CCDC149: variants seen among roughly 807,000 people sequenced by gnomAD.
The protein encoded by CCDC149 is coiled-coil domain containing 149.
Under a neutral mutation model 59.9 loss-of-function variants are expected in CCDC149, and 45 were observed. The observed-to-expected ratio is 0.75, with a 90% CI of 0.59 to 0.96. CCDC149 has a LOEUF of 0.96. CCDC149 is among the 40% of genes least tolerant of loss of function. CCDC149 has a pLI of 0.00. For synonymous variants in CCDC149, 245 were observed against 260.6 expected, an observed-to-expected ratio of 0.94 and a Z score of 0.58; for missense variants, 584 against 664.7, an observed-to-expected ratio of 0.88 and a Z score of 1.33.
At chr4:24,855,483 T>A (rs537642888) in intron 3 of CCDC149, among the ~76,000 whole-genome samples, 1 of 151,144 alleles carries the variant, frequency 6.6e-6, no homozygotes. Flanking sequence ...GGAGAATCCC[T>A]TGAACTGGGA....
In CCDC149 at chr4:24,819,650, C is replaced by A. The variant is rs141431253; in HGVS notation, c.1192+209G>T. 7.9e-3 allele frequency among the ~76,000 whole-genome samples: 1,207 copies of A among 152,308 alleles called. 15 individuals are homozygous for A. The highest frequency in any genetic ancestry group is 0.027 in the African/African-American group (1,137 of 41,566). On this transcript the variant is annotated intron_variant, in intron 12 of 12. Transcript: ENST00000635206. ...GTCCTCACTCTTAACCTCTCTGCCA[C>A]CATGCCTAGAGAGCAGGGGCCTGCA... is the stretch of plus-strand genomic sequence containing the variant.
At chr4:24,925,463 C>T (rs925844993) in intron 1 of CCDC149, among the ~76,000 whole-genome samples, 3 of 152,160 alleles carry the variant, frequency 2.0e-5, no homozygotes, top group Admixed American at 2.0e-4. Flanking sequence ...TCCTGTCCAT[C>T]AAAGCTAACA....
intron 3 of CCDC149, among the ~76,000 whole-genome samples, chr4:24,872,575 C>G (rs894601660): frequency 1.8e-4 from 28 of 151,474 alleles, no homozygotes; most frequent in African/African-American, 6.6e-4. Context: ...GAATGGTATG[C>G]ACCTGCAGAA....
intron 12 of CCDC149, among the ~76,000 whole-genome samples, chr4:24,813,068 G>A (rs897568184): frequency 1.7e-4 from 26 of 152,222 alleles, no homozygotes; most frequent in African/African-American, 6.0e-4. Context: ...TGGAGGTGAG[G>A]CCTTTGGGAG....
chr4:24,900,964 GA>G (rs1242655122), intron 1 of CCDC149, among the ~76,000 whole-genome samples: 1 of 152,246 alleles, frequency 6.6e-6, no homozygotes, highest in African/African-American at 2.4e-5. Flanking sequence ...AGGTCAGCAT[GA>G]AGAGGCTCGA....
At chr4:24,970,557 G>C (rs79058402) in intron 1 of CCDC149, among the ~76,000 whole-genome samples, 1 of 152,120 alleles carries the variant, frequency 6.6e-6, no homozygotes, top group African/African-American at 2.4e-5. Context: ...GTGGGTACCC[G>C]TCATGGCTTG....
chr4:24,933,109 G>A (rs1722641948), intron 1 of CCDC149, among the ~76,000 whole-genome samples: 1 of 152,200 alleles, frequency 6.6e-6, no homozygotes. Flanking sequence ...GGCTGTTCTT[G>A]TGTTGCCCTG....
At chr4:24,974,361 T>C (rs894043774) in intron 1 of CCDC149, among the ~76,000 whole-genome samples, 17 of 152,180 alleles carry the variant, frequency 1.1e-4, no homozygotes, top group African/African-American at 4.1e-4. Context: ...CCATACTTCT[T>C]TGCTTTTTCA....
intron 1 of CCDC149, among the ~76,000 whole-genome samples, chr4:24,936,463 T>C (rs1722781598): frequency 1.3e-5 from 2 of 152,200 alleles, no homozygotes; most frequent in African/African-American, 2.4e-5. Context: ...TTATGGGATA[T>C]AATGTAATGT....
At chr4:24,880,407 G>A (rs974945281) in intron 1 of CCDC149, among the ~76,000 whole-genome samples, 6 of 152,134 alleles carry the variant, frequency 3.9e-5, no homozygotes, top group African/African-American at 1.2e-4. Context: ...AAGCAACCCC[G>A]TCATTAAGTG....
intron 1 of CCDC149, among the ~76,000 whole-genome samples, chr4:24,939,821 G>A (rs1028273779): frequency 8.5e-5 from 13 of 152,142 alleles, no homozygotes; most frequent in South Asian, 6.2e-4. Flanking sequence ...TGAATGAAAC[G>A]ATGCGTGAAG....
intron 1 of CCDC149, among the ~76,000 whole-genome samples, chr4:24,900,228 G>T (rs1721084870): frequency 6.6e-6 from 1 of 152,112 alleles, no homozygotes; most frequent in African/African-American, 2.4e-5. Flanking sequence ...CTATGTAACT[G>T]GCACATTGAA....
chr4:24,920,156 T>C (rs926492892), intron 1 of CCDC149, among the ~76,000 whole-genome samples: 3 of 152,236 alleles, frequency 2.0e-5, no homozygotes, highest in Admixed American at 6.5e-5. Flanking sequence ...AACCTGTGGC[T>C]TAAACATTGG....
chr4:24,931,712 C>T (rs1722591149), intron 1 of CCDC149, among the ~76,000 whole-genome samples: 1 of 151,288 alleles, frequency 6.6e-6, no homozygotes, highest in African/African-American at 2.4e-5. Flanking sequence ...TTGTCTTTGC[C>T]ACTTATGCAT....
chr4:24,936,145 A>G (rs937082917), intron 1 of CCDC149, among the ~76,000 whole-genome samples: 3 of 152,176 alleles, frequency 2.0e-5, no homozygotes, highest in Non-Finnish European at 4.4e-5. Context: ...GGAAAAAAGA[A>G]CTGATGAGAA....
At position 24,806,224 on chromosome 4, in the gene CCDC149, T is replaced by G. The variant is rs1257267822; in HGVS notation, c.*2165A>C. On this transcript the variant is annotated 3_prime_UTR_variant, in exon 13 of 13. Coordinates refer to ENST00000635206, the MANE Select transcript of CCDC149 (RefSeq NM_001330643.2). Reference sequence around the variant, plus strand: ...CGTATCTATGGGGTGTTATCAGGGTTATATCTGTGACAGGATCAACTAACT... The same window carrying G: ...CGTATCTATGGGGTGTTATCAGGGTGATATCTGTGACAGGATCAACTAACT... The G allele has an allele frequency of 6.6e-6, 1 of 152,166 alleles. No individual in the cohort carries two copies. Among genetic ancestry groups the G allele is most frequent in the East Asian group, 1.9e-4 (1 of 5,186 alleles). 9.4% of individuals were successfully genotyped at this position (152,166 alleles called of 1,614,324 possible). A position where few individuals can be genotyped will look rare whatever the true frequency, so the allele number is the denominator to read the frequency against.
chr4:24,936,727 A>G (rs1484334877), intron 1 of CCDC149, among the ~76,000 whole-genome samples: 1 of 152,024 alleles, frequency 6.6e-6, no homozygotes, highest in African/African-American at 2.4e-5. Flanking sequence ...TGGGGATGTT[A>G]CCACTGGTGG....
chr4:24,864,258 AT>A (rs1223601529), intron 3 of CCDC149, among the ~76,000 whole-genome samples: 1 of 152,246 alleles, frequency 6.6e-6, no homozygotes, highest in Non-Finnish European at 1.5e-5. Flanking sequence ...AAGGTTAGGT[AT>A]CATTAAATAA....
rs1718328617 is a variant in CCDC149 at position 24,860,794 on chromosome 4, A to G, written c.265-7615T>C. Reference sequence around the variant, plus strand: ...TTAGAAAAGGTAGATAAGAACATGAAGAGACAATTCTCAAAAGAAGATATA... The same window carrying G: ...TTAGAAAAGGTAGATAAGAACATGAGGAGACAATTCTCAAAAGAAGATATA... On this transcript the variant is annotated intron_variant, in intron 3 of 12. Transcript: ENST00000635206. 2.0e-5 allele frequency among the ~76,000 whole-genome samples: 3 copies of G among 152,190 alleles called. No homozygotes were observed. In the South Asian group the frequency reaches 6.2e-4, roughly 32 times the overall value.
Sources: gnomAD v4.1 joint callset for allele counts (sites outside exome capture counted in the v4.1 genomes callset) on GRCh38, gnomAD v4.1.1 for gene constraint, MANE v1.5 for transcripts, NCBI Gene and HGNC (gene_info 2026-07-23, HGNC 2026-07-21) for gene names.